Variants in TTLL11 observed in about 807,000 individuals in gnomAD.
TTLL11 encodes tubulin polyglutamylase TTLL11.
TTLL11 carries 42 observed loss-of-function variants against 51.7 expected under a neutral mutation model. The observed-to-expected ratio is 0.81, with a 90% CI of 0.64 to 1.05. TTLL11 has a LOEUF of 1.05. Ranked by LOEUF, TTLL11 falls within the 50% of genes least tolerant of loss-of-function variation. TTLL11 has a pLI of 0.00. For missense variants in TTLL11, 799 were observed against 940.4 expected, an observed-to-expected ratio of 0.85 and a Z score of 1.97; for synonymous variants, 381 against 383.5, an observed-to-expected ratio of 0.99 and a Z score of 0.08.
intron 1 of TTLL11, among the ~76,000 whole-genome samples, chr9:122,049,626 T>C (rs1462123244): frequency 6.6e-6 from 1 of 152,184 alleles, no homozygotes; most frequent in Non-Finnish European, 1.5e-5. Flanking sequence ...CCAGAAGAAC[T>C]AAAAACAAAC....
chr9:121,829,673 G>C (rs1836935237), intron 8 of TTLL11, among the ~76,000 whole-genome samples: 2 of 151,986 alleles, frequency 1.3e-5, no homozygotes, highest in South Asian at 4.2e-4. Context: ...ACGGGGCATG[G>C]GGGAAGGCAG....
At chr9:121,839,152 T>C (rs1347796672) in intron 8 of TTLL11, among the ~76,000 whole-genome samples, 1 of 152,224 alleles carries the variant, frequency 6.6e-6, no homozygotes, top group African/African-American at 2.4e-5. Flanking sequence ...TCCTCCTCAT[T>C]AAAACTTATT....
chr9:122,055,485 T>C (rs937525175), intron 1 of TTLL11, among the ~76,000 whole-genome samples: 1 of 152,154 alleles, frequency 6.6e-6, no homozygotes, highest in Non-Finnish European at 1.5e-5. Flanking sequence ...GATTAGATGG[T>C]GCCCGCTCAG....
intron 4 of TTLL11, among the ~76,000 whole-genome samples, chr9:121,976,269 C>T (rs1013907968): frequency 6.6e-6 from 1 of 152,156 alleles, no homozygotes; most frequent in African/African-American, 2.4e-5. Context: ...TCCAGTCACT[C>T]GGGTTTCTTT....
chr9:122,029,942 G>A (rs1415467693), intron 3 of TTLL11, among the ~76,000 whole-genome samples: 1 of 152,028 alleles, frequency 6.6e-6, no homozygotes. Context: ...CCAATATTAA[G>A]TCCAGTACCA....
At chr9:121,971,984 G>A (rs2416838) in intron 6 of TTLL11, among the ~76,000 whole-genome samples, 33,253 of 151,896 alleles carry the variant, frequency 0.22, 4,283 homozygotes, top group Non-Finnish European at 0.3. Flanking sequence ...GCCTGTCGGT[G>A]GGTGGGGACT....
intron 1 of TTLL11, among the ~76,000 whole-genome samples, chr9:122,046,909 GTTGA>G (rs1479032490): frequency 1.3e-5 from 2 of 152,214 alleles, no homozygotes; most frequent in Non-Finnish European, 2.9e-5. Flanking sequence ...CTCATTAGGT[GTTGA>G]TTAAGTACCT....
At chr9:121,847,976 G>A (rs1837566162) in intron 8 of TTLL11, among the ~76,000 whole-genome samples, 1 of 152,192 alleles carries the variant, frequency 6.6e-6, no homozygotes, top group African/African-American at 2.4e-5. Flanking sequence ...CAAAGTAGGA[G>A]GATTGCTTGA....
intron 8 of TTLL11, among the ~76,000 whole-genome samples, chr9:121,858,505 C>T (rs1837896992): frequency 6.6e-6 from 1 of 152,138 alleles, no homozygotes; most frequent in Non-Finnish European, 1.5e-5. Context: ...GAACTGGCAG[C>T]CAGGAGCATC....
intron 6 of TTLL11, among the ~76,000 whole-genome samples, chr9:121,887,383 T>G (rs1420855328): frequency 2.6e-5 from 4 of 152,178 alleles, no homozygotes; most frequent in African/African-American, 4.8e-5. Context: ...TATGCTTCAT[T>G]CTGCAAGGGA....
chr9:121,986,979 G>A (rs1165400939), intron 4 of TTLL11, among the ~76,000 whole-genome samples: 2 of 151,844 alleles, frequency 1.3e-5, no homozygotes, highest in African/African-American at 2.4e-5. Flanking sequence ...CACCAGCATG[G>A]GTGGACCTTG....
Position 121,879,172 on chromosome 9 carries a change from T to C in TTLL11, c.1482-8424A>G, listed in dbSNP as rs749346837. On this transcript the variant is annotated intron_variant, in intron 6 of 8. Coordinates refer to ENST00000321582, the MANE Select transcript of TTLL11 (RefSeq NM_001139442.2). Reference sequence around the variant, plus strand: ...CACTGACATCTTTCTCTCATGAGTGTCATCATCTCAAGGGGCCCACTGTCT... The same window carrying C: ...CACTGACATCTTTCTCTCATGAGTGCCATCATCTCAAGGGGCCCACTGTCT... Among the ~76,000 whole-genome samples the C allele has an allele frequency of 8.7e-4, 132 of 152,216 alleles. 1 individual carries two copies. Among genetic ancestry groups the C allele is most frequent in the Non-Finnish European group, 3.2e-4 (22 of 68,050 alleles).
chr9:121,879,559 A>C (rs1251509319), intron 6 of TTLL11, among the ~76,000 whole-genome samples: 3 of 152,232 alleles, frequency 2.0e-5, no homozygotes, highest in Non-Finnish European at 4.4e-5. Context: ...TTTCCTTCTG[A>C]AATACATAGA....
intron 6 of TTLL11, among the ~76,000 whole-genome samples, chr9:121,886,018 C>T (rs1350852586): frequency 3.3e-5 from 5 of 152,172 alleles, no homozygotes; most frequent in Non-Finnish European, 5.9e-5. Context: ...CATGAGCCAC[C>T]GTGCCCAGCC....
chr9:121,930,182 T>A (rs1459700551), intron 6 of TTLL11, among the ~76,000 whole-genome samples: 3 of 152,196 alleles, frequency 2.0e-5, no homozygotes. Flanking sequence ...AATAGGTAAG[T>A]GGCAAAAGAG....
At chr9:121,945,312 A>T (rs1480902237) in intron 6 of TTLL11, among the ~76,000 whole-genome samples, 1 of 152,244 alleles carries the variant, frequency 6.6e-6, no homozygotes, top group Admixed American at 6.5e-5. Context: ...TCCACCCAGT[A>T]TCAGATTATT....
At chr9:121,950,455 A>T (rs1047601511) in intron 6 of TTLL11, among the ~76,000 whole-genome samples, 2 of 152,068 alleles carry the variant, frequency 1.3e-5, no homozygotes, top group Admixed American at 6.5e-5. Context: ...GGATTCATAG[A>T]TTTTTTCAGG....
At chr9:121,867,612 T>C (rs1378327235) in intron 7 of TTLL11, among the ~76,000 whole-genome samples, 1 of 152,192 alleles carries the variant, frequency 6.6e-6, no homozygotes, top group African/African-American at 2.4e-5. Context: ...ATTTGGGCTA[T>C]GCATGCCATC....
intron 3 of TTLL11, among the ~76,000 whole-genome samples, chr9:122,009,303 TAC>T (rs1416104331): frequency 1.3e-5 from 2 of 152,142 alleles, no homozygotes; most frequent in Non-Finnish European, 2.9e-5. Flanking sequence ...GATAAATACA[TAC>T]ATTTTTTATT....
Sources: gnomAD v4.1 joint callset for allele counts (sites outside exome capture counted in the v4.1 genomes callset) on GRCh38, gnomAD v4.1.1 for gene constraint, MANE v1.5 for transcripts, NCBI Gene and HGNC (gene_info 2026-07-23, HGNC 2026-07-21) for gene names.